Variants in ECT2L observed in about 807,000 individuals in gnomAD.
The protein encoded by ECT2L is epithelial cell transforming 2 like.
Under a neutral mutation model 122.8 loss-of-function variants are expected in ECT2L, and 126 were observed. The ratio of observed to expected loss-of-function variants is 1.03; its 90% confidence interval spans 0.89 to 1.19. The LOEUF is 1.19. Ranked by LOEUF, ECT2L falls within the 50% of genes most tolerant of loss-of-function variation. The pLI, the probability that ECT2L is intolerant of heterozygous loss-of-function variation, is 0.00. For synonymous variants in ECT2L, 385 were observed against 381.8 expected (o/e 1.01, Z -0.10); for missense variants, 1,012 against 1,064.1 (o/e 0.95, Z 0.68).
intron 20 of ECT2L, 134 bp downstream of exon 20, chr6:138,889,165 AAAGTTACAGAGGACTCCCTCTGAG>A (rs1170575284): frequency 1.3e-5 from 5 of 374,114 alleles, no homozygotes; most frequent in Non-Finnish European, 2.4e-5. Context: ...ATTGGACTGA[AAAGTTACAGAGGACTCCCTCTGAG>A]ATAGTGTAGG....
intron 10 of ECT2L, among the ~76,000 whole-genome samples, chr6:138,857,912 G>A (rs1777674059): frequency 2.0e-5 from 3 of 152,110 alleles, no homozygotes; most frequent in Non-Finnish European, 4.4e-5. Flanking sequence ...GCAGGGCCGG[G>A]GAAGCAAACA....
intron 4 of ECT2L, among the ~76,000 whole-genome samples, chr6:138,837,386 G>A (rs993700427): frequency 2.6e-5 from 4 of 151,936 alleles, no homozygotes; most frequent in African/African-American, 7.3e-5. Context: ...GAGTCTCTCC[G>A]CACTCTTCCT....
At chr6:138,844,352 T>A in intron 6 of ECT2L, 60 bp from the exon 7 acceptor site, 2 of 1,579,024 alleles carry the variant, frequency 1.3e-6, no homozygotes, top group Non-Finnish European at 1.7e-6. Flanking sequence ...TTTATCTGTG[T>A]GGACTTGGCT....
At chr6:138,900,372 A>T (rs532491763) in intron 20 of ECT2L, among the ~76,000 whole-genome samples, 16 of 151,936 alleles carry the variant, frequency 1.1e-4, no homozygotes, top group Non-Finnish European at 1.9e-4. Flanking sequence ...TCAGCCTCCC[A>T]AGTAGGTGGG....
chr6:138,833,823 T>TTA (rs1554271293), intron 4 of ECT2L, among the ~76,000 whole-genome samples: 30,814 of 150,074 alleles, frequency 0.21, 3,690 homozygotes, highest in South Asian at 0.45. Flanking sequence ...AATAAATAAT[T>TTA]AAAAAAAAAT....
intron 4 of ECT2L, among the ~76,000 whole-genome samples, chr6:138,825,571 G>C (rs1430150776): frequency 6.6e-6 from 1 of 151,930 alleles, no homozygotes; most frequent in South Asian, 2.1e-4. Flanking sequence ...CGACAGAGCA[G>C]GACTCCGTCT....
chr6:138,874,297 T>C (rs1276322469), intron 13 of ECT2L, among the ~76,000 whole-genome samples: 2 of 152,124 alleles, frequency 1.3e-5, no homozygotes, highest in African/African-American at 4.8e-5. Flanking sequence ...AGAATGATAG[T>C]TGTCTTATAA....
intron 20 of ECT2L, among the ~76,000 whole-genome samples, chr6:138,895,398 C>G (rs993724140): frequency 2.6e-5 from 4 of 152,120 alleles, no homozygotes; most frequent in Admixed American, 2.0e-4. Flanking sequence ...GGTGGGCAAT[C>G]TGGCTTAAGT....
At chr6:138,898,018 C>T (rs1368634559) in intron 20 of ECT2L, among the ~76,000 whole-genome samples, 1 of 151,904 alleles carries the variant, frequency 6.6e-6, no homozygotes, top group East Asian at 1.9e-4. Flanking sequence ...AGTTTCTAAA[C>T]TTCTATGATA....
At chr6:138,819,599 C>T (rs912018980) in intron 4 of ECT2L, among the ~76,000 whole-genome samples, 1 of 152,038 alleles carries the variant, frequency 6.6e-6, no homozygotes, top group Non-Finnish European at 1.5e-5. Flanking sequence ...TCAATAAATG[C>T]TTGTTGAATG....
rs1562500564 is a variant in ECT2L, at chr6:138,900,967, G to C, written c.2434G>C (p.Asp812His). The C allele has an allele frequency of 1.2e-6, 2 of 1,613,926 alleles. No individual in the cohort carries two copies. The highest frequency in any genetic ancestry group is 1.7e-6 in the Non-Finnish European group (2 of 1,179,968). The change falls in exon 21 of 22, where the codon GAT (aspartate) becomes CAT (histidine). Residue 812 changes from aspartate to histidine, a missense_variant. Physicochemically the swap from Asp to His is moderately conservative, Grantham distance 81 (BLOSUM62 -1). Coordinates refer to ENST00000541398, the MANE Select transcript of ECT2L (RefSeq NM_001077706.3). ...ACACAGGCTCTATGAACACATCCAT[G>C]ATCTCAGCCTTTTCCTCTTCAATGA... ...FSLRLYEHIH[D>H]LSLFLFNDAL...
chr6:138,804,582 AACACACACAC>A (rs367560936), intron 1 of ECT2L, among the ~76,000 whole-genome samples: 8 of 146,380 alleles, frequency 5.5e-5, no homozygotes, highest in African/African-American at 1.5e-4. Context: ...TGAAGTTTTA[AACACACACAC>A]ACACACACAC....
intron 1 of ECT2L, among the ~76,000 whole-genome samples, chr6:138,812,246 T>C (rs369812225): frequency 2.6e-5 from 4 of 152,294 alleles, no homozygotes; most frequent in African/African-American, 9.6e-5. Flanking sequence ...AGAAAATAAG[T>C]TTCTGTTGTG....
At chr6:138,866,449 C>T (rs947903244) in intron 12 of ECT2L, among the ~76,000 whole-genome samples, 4 of 152,142 alleles carry the variant, frequency 2.6e-5, no homozygotes, top group Non-Finnish European at 5.9e-5. Context: ...TGGGATTTCA[C>T]CATGTTGGCC....
Position 138,900,924 on chromosome 6 carries a change from T to A in ECT2L, c.2415-24T>A, listed in dbSNP as rs772964184. 3.1e-6 allele frequency: 5 copies of A among 1,608,182 alleles called. No individual in the cohort carries two copies. The South Asian group carries it at 4.4e-5, about 14-fold the overall frequency. ...AAGCATGTATGTTATGTATTAAAACTGTACCTTCTCCATTTTAACACAGGC... is the reference window on the plus strand; with the variant it reads ...AAGCATGTATGTTATGTATTAAAACAGTACCTTCTCCATTTTAACACAGGC... On this transcript the variant is annotated intron_variant, in intron 20 of 21. Coordinates refer to ENST00000541398, the MANE Select transcript of ECT2L (RefSeq NM_001077706.3).
At chr6:138,872,473 G>A (rs553275082) in intron 13 of ECT2L, among the ~76,000 whole-genome samples, 1 of 152,202 alleles carries the variant, frequency 6.6e-6, no homozygotes, top group Non-Finnish European at 1.5e-5. Flanking sequence ...CCCAGGGTGG[G>A]AACGCCAGAT....
At chr6:138,837,008 G>A (rs746160631) in intron 4 of ECT2L, among the ~76,000 whole-genome samples, 6 of 152,190 alleles carry the variant, frequency 3.9e-5, no homozygotes, top group Non-Finnish European at 7.4e-5. Context: ...TTAGGAAACG[G>A]AATTGAGAAA....
intron 20 of ECT2L, among the ~76,000 whole-genome samples, chr6:138,892,471 CTG>C (rs1007336226): frequency 7.9e-5 from 12 of 152,082 alleles, no homozygotes; most frequent in Admixed American, 6.6e-4. Flanking sequence ...TCTCTTCAGT[CTG>C]TGTATTTTGC....
intron 11 of ECT2L, among the ~76,000 whole-genome samples, chr6:138,864,594 G>A (rs1343348195): frequency 6.6e-6 from 1 of 152,228 alleles, no homozygotes; most frequent in African/African-American, 2.4e-5. Flanking sequence ...GCGATGACAG[G>A]GTTGACTTCC....
Sources: allele counts gnomAD v4.1 joint callset (sites outside exome capture counted in the v4.1 genomes callset), GRCh38; gene constraint gnomAD v4.1.1; transcripts MANE v1.5; gene names NCBI Gene and HGNC (gene_info 2026-07-23, HGNC 2026-07-21).